OXCT1: variants seen among roughly 807,000 people sequenced by gnomAD.
The protein encoded by OXCT1 is succinyl-CoA:3-ketoacid coenzyme A transferase 1, mitochondrial.
OXCT1 carries 27 observed loss-of-function variants against 69.6 expected under a neutral mutation model. The observed-to-expected ratio is 0.39, with a 90% confidence interval of 0.29 to 0.54. OXCT1 has a LOEUF of 0.54. Ranked by LOEUF, OXCT1 falls within the 20% of genes least tolerant of loss-of-function variation. The probability of loss-of-function intolerance (pLI) is 0.72; values close to 1 mark genes in which losing one functional copy is unlikely to be tolerated. For missense variants in OXCT1, 437 were observed against 650.2 expected (o/e 0.67, Z 3.57); for synonymous variants, 202 against 217.8 (o/e 0.93, Z 0.64).
At chr5:41,849,201 G>A (rs978241142) in intron 5 of OXCT1, among the ~76,000 whole-genome samples, 7 of 152,038 alleles carry the variant, frequency 4.6e-5, no homozygotes, top group Non-Finnish European at 1.0e-4. Context: ...CCCTCTGATC[G>A]TTCCTAGGAA....
chr5:41,833,274 C>T (rs1329502092), intron 7 of OXCT1, among the ~76,000 whole-genome samples: 1 of 151,976 alleles, frequency 6.6e-6, no homozygotes, highest in Non-Finnish European at 1.5e-5. Context: ...AGAAAAGAAA[C>T]AACAGACAAC....
intron 13 of OXCT1, among the ~76,000 whole-genome samples, chr5:41,765,454 A>G (rs1744552097): frequency 6.6e-6 from 1 of 152,150 alleles, no homozygotes; most frequent in Non-Finnish European, 1.5e-5. Context: ...CAAAATGAGT[A>G]AAAAAATAAG....
In OXCT1 at chr5:41,731,581, A is replaced by G; in HGVS notation, c.*148T>C. On this transcript the variant is annotated 3_prime_UTR_variant, in exon 17 of 17. Transcript: ENST00000196371. ...AAATGTCACAGCATGCCTAGAGAAC[A>G]GTTTATATGGCTGCATAAAGTCTGA... 2 of 1,150,262 alleles carry G rather than the reference A, an allele frequency of 1.7e-6. No individual in the cohort carries two copies. The highest frequency in any genetic ancestry group is 2.9e-5 in the South Asian group (2 of 68,070). The allele number at this position is 1,150,262 out of a possible 1,614,324, so 71.3% of individuals were successfully genotyped here.
At chr5:41,750,605 C>T (rs533913256) in intron 14 of OXCT1, among the ~76,000 whole-genome samples, 61 of 152,186 alleles carry the variant, frequency 4.0e-4, no homozygotes, top group African/African-American at 1.3e-3. Context: ...CCACATGTGA[C>T]GCCACTATCG....
rs1561059882 is a variant in OXCT1 at position 41,767,723 on chromosome 5, T to TAC, written c.1249-5524_1249-5523insGT. Among the ~76,000 whole-genome samples, 2 of 3,480 alleles carry TAC rather than the reference T, an allele frequency of 5.7e-4. 1 individual carries two copies. The highest frequency in any genetic ancestry group is 3.9e-3 in the Non-Finnish European group (2 of 516). The allele number at this position is 3,480 out of a possible 152,430, so 2.3% of individuals were successfully genotyped here. On this transcript the variant is annotated intron_variant, in intron 13 of 16. Coordinates refer to ENST00000196371, the MANE Select transcript of OXCT1 (RefSeq NM_000436.4). Reference sequence around the variant, plus strand: ...CTAGTATCTAATATATATGTGTGTGTATATATATATATATATATATATATA... The same window carrying TAC: ...CTAGTATCTAATATATATGTGTGTGTACATATATATATATATATATATATATA...
chr5:41,766,012 T>C (rs924015277), intron 13 of OXCT1, among the ~76,000 whole-genome samples: 1 of 152,056 alleles, frequency 6.6e-6, no homozygotes. Context: ...AATAGGCCTA[T>C]AATGAAGAAG....
intron 13 of OXCT1, among the ~76,000 whole-genome samples, chr5:41,791,814 T>A (rs988767442): frequency 6.6e-6 from 1 of 152,124 alleles, no homozygotes; most frequent in African/African-American, 2.4e-5. Flanking sequence ...TTATTTTTTT[T>A]TTTATGAGAC....
intron 7 of OXCT1, among the ~76,000 whole-genome samples, chr5:41,837,563 C>G (rs201529728): frequency 3.5e-5 from 1 of 28,290 alleles, no homozygotes; most frequent in Non-Finnish European, 7.2e-5. Flanking sequence ...GGTACTAGAA[C>G]AAAAAAAAAA....
At chr5:41,842,593 C>T (rs943257072) in intron 6 of OXCT1, 82 bp downstream of exon 6, 29 of 991,834 alleles carry the variant, frequency 2.9e-5, no homozygotes, top group African/African-American at 2.7e-4. Context: ...TACGAAAATA[C>T]ATTTTTAAAT....
intron 3 of OXCT1, among the ~76,000 whole-genome samples, chr5:41,859,886 T>TA (rs1417447334): frequency 4.9e-5 from 5 of 101,904 alleles, no homozygotes; most frequent in African/African-American, 1.3e-4. Context: ...TATATATATA[T>TA]GTAATATATA....
At chr5:41,755,546 C>A (rs1362351883) in intron 14 of OXCT1, among the ~76,000 whole-genome samples, 1 of 152,054 alleles carries the variant, frequency 6.6e-6, no homozygotes, top group Non-Finnish European at 1.5e-5. Flanking sequence ...TGAAAATTAT[C>A]TGAAGGATGT....
chr5:41,868,861 C>T (rs926463229), intron 1 of OXCT1, among the ~76,000 whole-genome samples: 23 of 152,184 alleles, frequency 1.5e-4, no homozygotes, highest in African/African-American at 5.3e-4. Context: ...ATAGCAGAAC[C>T]CCTTATTTGC....
chr5:41,844,175 G>A (rs1468623845), intron 5 of OXCT1, among the ~76,000 whole-genome samples: 1 of 152,180 alleles, frequency 6.6e-6, no homozygotes, highest in Non-Finnish European at 1.5e-5. Flanking sequence ...TAAAAATGGG[G>A]AAGGAGTTGG....
rs1057425222 is a variant in OXCT1, at chr5:41,767,755, G to C, written c.1249-5555C>G. Among the ~76,000 whole-genome samples, 5 of 93,434 alleles carry C rather than the reference G, an allele frequency of 5.4e-5. No individual in the cohort carries two copies. The Admixed American group carries it at 5.4e-4, about 10-fold the overall frequency. The allele number at this position is 93,434 out of a possible 152,430, so 61.3% of individuals were successfully genotyped here. The stretch of plus-strand genomic sequence containing the variant: ...ATATATATATATATATATATATAGT[G>C]TCTACTATATATCTGTCTACATTCC... On this transcript the variant is annotated intron_variant, in intron 13 of 16. Transcript: ENST00000196371.
At chr5:41,808,454 G>A (rs1404893865) in intron 7 of OXCT1, among the ~76,000 whole-genome samples, 1 of 152,040 alleles carries the variant, frequency 6.6e-6, no homozygotes, top group Non-Finnish European at 1.5e-5. Flanking sequence ...CCTTCACTAG[G>A]CTCCTCCTAC....
chr5:41,735,575 T>A (rs954322664), intron 16 of OXCT1, among the ~76,000 whole-genome samples: 3 of 152,378 alleles, frequency 2.0e-5, no homozygotes, highest in South Asian at 2.1e-4. Flanking sequence ...TAAATTTTTT[T>A]AAAGTTTTTA....
At chr5:41,776,458 G>T (rs1397311958) in intron 13 of OXCT1, among the ~76,000 whole-genome samples, 1 of 152,200 alleles carries the variant, frequency 6.6e-6, no homozygotes, top group Non-Finnish European at 1.5e-5. Flanking sequence ...GCCTGTTCCT[G>T]TGTTTTTTTG....
intron 7 of OXCT1, among the ~76,000 whole-genome samples, chr5:41,823,475 G>A (rs1478179953): frequency 6.6e-6 from 1 of 152,134 alleles, no homozygotes. Flanking sequence ...TTCTACCCCA[G>A]GACTGGTTCC....
chr5:41,793,983 A>T lies in OXCT1; in HGVS notation c.1248+20T>A. On this transcript the variant is annotated intron_variant, in intron 13 of 16. Coordinates refer to ENST00000196371, the MANE Select transcript of OXCT1 (RefSeq NM_000436.4). ...TTATTCTGATCCAAACATAATTCAG[A>T]ATAAAAAATGTCTACTTACAGGTAT... 6.9e-7 allele frequency: 1 copy of T among 1,452,740 alleles called. No homozygotes were observed. Among genetic ancestry groups the T allele is most frequent in the Non-Finnish European group, 9.7e-7 (1 of 1,032,632 alleles). The allele number at this position is 1,452,740 out of a possible 1,614,324, so 90.0% of individuals were successfully genotyped here.
Sources: gnomAD v4.1 joint callset for allele counts (sites outside exome capture counted in the v4.1 genomes callset) on GRCh38, gnomAD v4.1.1 for gene constraint, MANE v1.5 for transcripts, NCBI Gene and HGNC (gene_info 2026-07-23, HGNC 2026-07-21) for gene names.